Variants in FRMD6 observed in about 807,000 individuals in gnomAD.
FRMD6 encodes the protein FERM domain-containing protein 6.
In FRMD6, 37 loss-of-function variants were observed where a neutral mutation model predicts 73.2. The observed-to-expected ratio is 0.51, with a 90% CI of 0.39 to 0.66. FRMD6 has a LOEUF of 0.66. FRMD6 is among the 30% of genes least tolerant of loss of function. The pLI is 0.00. For synonymous variants in FRMD6, 273 were observed against 282.2 expected (o/e 0.97, Z 0.33); for missense variants, 714 against 780.5 (o/e 0.91, Z 1.02).
intron 9 of FRMD6, chr14:51,714,747 T>G (rs1897152392): frequency 6.6e-6 from 1 of 152,238 alleles, no homozygotes; most frequent in African/African-American, 2.4e-5. Flanking sequence ...ATATAACTCC[T>G]TATTTATTTC....
intron 9 of FRMD6, chr14:51,713,556 C>G (rs1039332192): frequency 6.6e-6 from 1 of 151,852 alleles, no homozygotes; most frequent in African/African-American, 2.4e-5. Context: ...ACATGGGCTT[C>G]TCTCCTGTAA....
intron 1 of FRMD6, among the ~76,000 whole-genome samples, chr14:51,513,439 A>G (rs532146586): frequency 5.3e-5 from 8 of 152,208 alleles, no homozygotes; most frequent in African/African-American, 7.2e-5. Flanking sequence ...ACAGCCCACA[A>G]TTCGGCCGAG....
chr14:51,694,155 A>G (rs1322383240), intron 2 of FRMD6, among the ~76,000 whole-genome samples: 1 of 152,202 alleles, frequency 6.6e-6, no homozygotes, highest in Non-Finnish European at 1.5e-5. Flanking sequence ...TGTGAGTTGC[A>G]TTAATAGAAG....
the FRMD6 span, among the ~76,000 whole-genome samples, chr14:51,398,142 G>A: frequency 0.1 from 15,319 of 152,152 alleles, 803 homozygotes; most frequent in Middle Eastern, 0.12. Context: ...TAAAAGTGAA[G>A]ATTTTCCTCT....
At chr14:51,402,259 C>G in the FRMD6 span, among the ~76,000 whole-genome samples, 8 of 152,160 alleles carry the variant, frequency 5.3e-5, no homozygotes, top group East Asian at 1.9e-4. Flanking sequence ...TGTGAGAGAA[C>G]AAGAAGGTCA....
the FRMD6 span, among the ~76,000 whole-genome samples, chr14:51,430,415 T>C: frequency 1.3e-5 from 2 of 152,174 alleles, no homozygotes; most frequent in Admixed American, 1.3e-4. Flanking sequence ...GCAGAAGATC[T>C]AACCCACTGC....
At chr14:51,543,167 A>G (rs1296868204) in intron 1 of FRMD6, among the ~76,000 whole-genome samples, 5 of 152,016 alleles carry the variant, frequency 3.3e-5, no homozygotes, top group Non-Finnish European at 7.4e-5. Context: ...GACCATGATT[A>G]TAGCAGTAAA....
At chr14:51,663,396 A>T (rs1893364629) in intron 1 of FRMD6, among the ~76,000 whole-genome samples, 2 of 152,270 alleles carry the variant, frequency 1.3e-5, no homozygotes, top group African/African-American at 4.8e-5. Context: ...GGATAAAGAA[A>T]ATGTGGTACA....
intron 1 of FRMD6, among the ~76,000 whole-genome samples, chr14:51,527,086 C>T (rs1236246094): frequency 6.6e-6 from 1 of 152,254 alleles, no homozygotes; most frequent in South Asian, 2.1e-4. Flanking sequence ...TGTGCTTCAA[C>T]CTCTCTGTCT....
intron 2 of FRMD6, among the ~76,000 whole-genome samples, chr14:51,602,128 T>C (rs1429970767): frequency 6.6e-6 from 1 of 152,222 alleles, no homozygotes; most frequent in Admixed American, 6.5e-5. Context: ...CACTCTTTAA[T>C]GTGAATTAAT....
chr14:51,437,547 C>T, the FRMD6 span, among the ~76,000 whole-genome samples: 3 of 152,194 alleles, frequency 2.0e-5, no homozygotes, highest in Middle Eastern at 6.3e-3. Flanking sequence ...TGTGATCCGC[C>T]CGCCTCGGCC....
At chr14:51,682,608 A>G (rs752737677) in intron 1 of FRMD6, among the ~76,000 whole-genome samples, 1 of 152,176 alleles carries the variant, frequency 6.6e-6, no homozygotes, top group African/African-American at 2.4e-5. Context: ...CAGCAGTTCA[A>G]ATGATGCAAT....
intron 1 of FRMD6, among the ~76,000 whole-genome samples, chr14:51,667,300 G>GTTT (rs1290020334): frequency 2.0e-5 from 3 of 152,070 alleles, no homozygotes; most frequent in African/African-American, 7.2e-5. Flanking sequence ...AGTTACTAGT[G>GTTT]GATAGCACCT....
chr14:51,409,298 C>T, the FRMD6 span, among the ~76,000 whole-genome samples: 4 of 149,972 alleles, frequency 2.7e-5, no homozygotes, highest in African/African-American at 7.4e-5. Context: ...CCTAAGTGCT[C>T]GACTTACTCT....
upstream of FRMD6, among the ~76,000 whole-genome samples, chr14:51,487,786 A>G (rs1566771404): frequency 6.6e-6 from 1 of 152,200 alleles, no homozygotes; most frequent in Non-Finnish European, 1.5e-5. Context: ...GAGTGAAGCA[A>G]AAGGAAACTC....
At chr14:51,723,504 G>T (rs114396947) in intron 12 of FRMD6, among the ~76,000 whole-genome samples, 1,846 of 152,288 alleles carry the variant, frequency 0.012, 49 homozygotes, top group African/African-American at 0.042. Context: ...GGTAAGGCCA[G>T]GTGTGGTGGC....
At chr14:51,575,382 G>A (rs938885998) in intron 2 of FRMD6, among the ~76,000 whole-genome samples, 2 of 152,196 alleles carry the variant, frequency 1.3e-5, no homozygotes, top group Non-Finnish European at 2.9e-5. Context: ...TGTGCTCCCT[G>A]AACATCAGGA....
chr14:51,585,939 G>GTGTGTATATA lies in FRMD6; in HGVS notation c.-147+15530_-147+15531insGTGTATATAT. On this transcript the variant is annotated intron_variant, in intron 2 of 14. Coordinates refer to the FRMD6 transcript ENST00000356218. The stretch of plus-strand genomic sequence containing the variant: ...TGCCATGGCATGTGTGTGTGTGTGT[G>GTGTGTATATA]TATATATATATATATATATATAACA... Among the ~76,000 whole-genome samples the GTGTGTATATA allele has an allele frequency of 2.3e-3, 72 of 31,420 alleles. 5 individuals carry two copies. The highest frequency in any genetic ancestry group is 4.7e-3 in the African/African-American group (69 of 14,640). 20.6% of individuals were successfully genotyped at this position (31,420 alleles called of 152,430 possible). A position where few individuals can be genotyped will look rare whatever the true frequency, so the allele number is the denominator to read the frequency against.
At chr14:51,447,247 G>A in the FRMD6 span, among the ~76,000 whole-genome samples, 2 of 152,100 alleles carry the variant, frequency 1.3e-5, no homozygotes, top group African/African-American at 2.4e-5. Flanking sequence ...TTGTAAAATG[G>A]TGTTTGACCT....
Sources: allele counts gnomAD v4.1 joint callset (sites outside exome capture counted in the v4.1 genomes callset), GRCh38; gene constraint gnomAD v4.1.1; transcripts MANE v1.5; gene names NCBI Gene and HGNC (gene_info 2026-07-23, HGNC 2026-07-21).